Variants in NAV3 observed in about 807,000 individuals in gnomAD.
The protein encoded by NAV3 is neuron navigator 3.
Under a neutral mutation model 244.7 loss-of-function variants are expected in NAV3, and 87 were observed. The observed-to-expected ratio is 0.36, with a 90% confidence interval of 0.30 to 0.42. NAV3 has a LOEUF of 0.42. Among genes scored for constraint, NAV3 ranks in the 20% least tolerant of loss-of-function variants. The probability of loss-of-function intolerance (pLI) is 1.00; values close to 1 mark genes in which losing one functional copy is unlikely to be tolerated. For missense variants in NAV3, 2,663 were observed against 2,893.3 expected, an observed-to-expected ratio of 0.92 and a Z score of 1.83; for synonymous variants, 1,126 against 1,042.2, an observed-to-expected ratio of 1.08 and a Z score of -1.55.
intron 2 of NAV3, among the ~76,000 whole-genome samples, chr12:77,632,435 C>T (rs4761393): frequency 0.014 from 2,093 of 152,158 alleles, 111 homozygotes; most frequent in Admixed American, 0.097. Context: ...ACGTGGATGG[C>T]GGCAGGCAAA....
chr12:77,641,644 A>G (rs1048742962), intron 2 of NAV3, among the ~76,000 whole-genome samples: 1 of 152,088 alleles, frequency 6.6e-6, no homozygotes, highest in African/African-American at 2.4e-5. Context: ...CTTCTTTTCT[A>G]ATTTTTCCTG....
At position 78,119,341 on chromosome 12, in the gene NAV3, G is replaced by A. The variant is rs1593663030; in HGVS notation, c.3145G>A (p.Gly1049Arg). 6.2e-7 allele frequency: 1 copy of A among 1,614,142 alleles called. No individual in the cohort carries two copies. Among genetic ancestry groups the A allele is most frequent in the Non-Finnish European group, 8.5e-7 (1 of 1,180,030 alleles). Residue 1049 changes from glycine (G) to arginine (R), a missense_variant, in exon 15 of 40, where the codon GGG becomes AGG. By Grantham distance (125) the Gly-to-Arg change is moderately radical. This residue lies in a region of NAV3 where 1,521 missense variants were observed against 1,497.0 expected (regional missense o/e 1.02). Transcript: ENST00000397909. ...SDAGKSSGDE[G>R]KKPPSGIGRS... is the part of the protein sequence containing the mutation. ...TGCAGGAAAAAGCAGTGGAGATGAAGGGAAAAAGCCCCCCTCAGGCATTGG... is the reference window on the plus strand; with the variant it reads ...TGCAGGAAAAAGCAGTGGAGATGAAAGGAAAAAGCCCCCCTCAGGCATTGG...
At chr12:77,902,764 C>T (rs945798646) in intron 1 of NAV3, among the ~76,000 whole-genome samples, 2 of 152,164 alleles carry the variant, frequency 1.3e-5, no homozygotes, top group Non-Finnish European at 2.9e-5. Context: ...AGCCCAAAAT[C>T]TCCTTAAGCT....
intron 1 of NAV3, among the ~76,000 whole-genome samples, chr12:77,838,393 C>T (rs1875034321): frequency 6.6e-6 from 1 of 152,202 alleles, no homozygotes; most frequent in Admixed American, 6.5e-5. Flanking sequence ...TTTACAGTGT[C>T]TTTAAAGGCT....
At chr12:78,137,409 C>T in intron 19 of NAV3, 44 bp downstream of exon 19, 1 of 1,530,856 alleles carries the variant, frequency 6.5e-7, no homozygotes, top group Non-Finnish European at 8.8e-7. Context: ...TTTATTTAAA[C>T]CCTGAGAGGG....
chr12:77,988,667 G>C (rs1395576310), intron 5 of NAV3, among the ~76,000 whole-genome samples: 1 of 152,086 alleles, frequency 6.6e-6, no homozygotes, highest in Non-Finnish European at 1.5e-5. Flanking sequence ...AACAGTAGGA[G>C]CCTGATCATA....
chr12:78,067,756 T>G (rs1039393283), intron 12 of NAV3, among the ~76,000 whole-genome samples: 1 of 152,118 alleles, frequency 6.6e-6, no homozygotes, highest in Admixed American at 6.6e-5. Flanking sequence ...AGATTGTAGC[T>G]CTAAATGCTA....
At chr12:77,981,363 C>G (rs896094185) in intron 5 of NAV3, among the ~76,000 whole-genome samples, 7 of 152,168 alleles carry the variant, frequency 4.6e-5, no homozygotes, top group African/African-American at 1.2e-4. Flanking sequence ...TCACAAGGAT[C>G]CTGCAGAAGT....
intron 18 of NAV3, among the ~76,000 whole-genome samples, chr12:78,135,335 ATAGT>A (rs1956327905): frequency 2.0e-5 from 3 of 152,342 alleles, no homozygotes. Context: ...ACACTCTTAA[ATAGT>A]TAGGTGTAAT....
In NAV3 at chr12:78,050,796, C is replaced by T; in HGVS notation, c.2165C>T (p.Thr722Ile). The change falls in exon 11 of 40, where the codon ACA becomes ATA. Residue 722 changes from threonine to isoleucine, a missense_variant. This residue lies in a region of NAV3 where 1,521 missense variants were observed against 1,497.0 expected (regional missense o/e 1.02). Transcript: ENST00000397909. ...TLETTFDSTV[T>I]TEVNGRTIPN... ...GAGACAACATTTGACAGCACTGTGA[C>T]AACAGAAGTTAATGGAAGGACCATA... The T allele has an allele frequency of 6.2e-7, 1 of 1,608,282 alleles. No individual in the cohort carries two copies. The highest frequency in any genetic ancestry group is 8.5e-7 in the Non-Finnish European group (1 of 1,175,568).
chr12:78,126,698 A>G (rs1955921860), intron 16 of NAV3, among the ~76,000 whole-genome samples: 1 of 152,198 alleles, frequency 6.6e-6, no homozygotes, highest in African/African-American at 2.4e-5. Context: ...GGAAATAAAC[A>G]TGCCTTTTTA....
At chr12:77,925,168 A>T (rs1888073439) in intron 1 of NAV3, among the ~76,000 whole-genome samples, 1 of 152,092 alleles carries the variant, frequency 6.6e-6, no homozygotes, top group South Asian at 2.1e-4. Flanking sequence ...GAGAATTTTT[A>T]CTTTTTGTGT....
chr12:78,200,488 T>C lies in NAV3; in HGVS notation c.6731T>C (p.Leu2244Pro). The change falls in exon 38 of 40, where the codon CTT becomes CCT. Residue 2244 changes from leucine (L) to proline (P), a missense_variant. Transcript: ENST00000397909. Reference sequence around the variant, plus strand: ...TTCTTATCAGGTCCCCGACTATTCCTTCCTTGCCCCATGGATGTAGAAGGT... The same window carrying C: ...TTCTTATCAGGTCCCCGACTATTCCCTCCTTGCCCCATGGATGTAGAAGGT... ...SDVTIGPRLF[L>P]PCPMDVEGSR... The C allele has an allele frequency of 6.3e-7, 1 of 1,583,690 alleles. No individual in the cohort carries two copies.
intron 12 of NAV3, among the ~76,000 whole-genome samples, chr12:78,071,581 G>A (rs537127007): frequency 1.3e-5 from 2 of 152,174 alleles, no homozygotes; most frequent in Admixed American, 6.5e-5. Flanking sequence ...TGTCAATCTC[G>A]TCTTTTGTTG....
At chr12:78,060,843 G>A (rs529440545) in intron 12 of NAV3, among the ~76,000 whole-genome samples, 5 of 152,236 alleles carry the variant, frequency 3.3e-5, no homozygotes, top group Non-Finnish European at 7.4e-5. Context: ...AACGTCATGG[G>A]AGGGAATATC....
intron 22 of NAV3, among the ~76,000 whole-genome samples, chr12:78,150,667 A>G (rs1355044564): frequency 6.8e-6 from 1 of 146,524 alleles, no homozygotes; most frequent in African/African-American, 2.7e-5. Context: ...ACACACACAC[A>G]CACATACACA....
At chr12:78,077,577 A>G (rs1445480562) in intron 12 of NAV3, among the ~76,000 whole-genome samples, 1 of 152,236 alleles carries the variant, frequency 6.6e-6, no homozygotes, top group African/African-American at 2.4e-5. Context: ...TAAGTTTAAC[A>G]TTGATTCTCT....
At chr12:78,011,540 G>A (rs1050801004) in intron 8 of NAV3, among the ~76,000 whole-genome samples, 1 of 152,118 alleles carries the variant, frequency 6.6e-6, no homozygotes, top group Non-Finnish European at 1.5e-5. Flanking sequence ...TAAAAGATGA[G>A]TTACAGTTTG....
intron 22 of NAV3, among the ~76,000 whole-genome samples, chr12:78,158,968 T>A (rs909593933): frequency 3.3e-5 from 5 of 152,118 alleles, no homozygotes; most frequent in Non-Finnish European, 7.4e-5. Context: ...CTTTCAGAAG[T>A]TAAACTCACA....
Sources: allele counts gnomAD v4.1 joint callset (sites outside exome capture counted in the v4.1 genomes callset), GRCh38; gene constraint gnomAD v4.1.1; regional missense constraint gnomAD v4.1.1; transcripts MANE v1.5; gene names NCBI Gene and HGNC (gene_info 2026-07-23, HGNC 2026-07-21).